THBS4: variants seen among roughly 807,000 people sequenced by gnomAD.
THBS4 encodes thrombospondin 4.
In THBS4, 90 loss-of-function variants were observed where a neutral mutation model predicts 115.7. The observed-to-expected ratio is 0.78, with a 90% CI of 0.66 to 0.93. The LOEUF (loss-of-function observed/expected upper bound fraction) is 0.93, where lower values mean the gene tolerates loss of function less well. THBS4 is among the 40% of genes least tolerant of loss of function. The pLI is 0.00. For synonymous variants in THBS4, 460 were observed against 479.3 expected (o/e 0.96, Z 0.53); for missense variants, 1,087 against 1,232.7 (o/e 0.88, Z 1.77).
At chr5:80,066,959 G>A (rs1833850182) in intron 9 of THBS4, 1 of 152,234 alleles carries the variant, frequency 6.6e-6, no homozygotes, top group African/African-American at 2.4e-5. Flanking sequence ...TGGAAAGCAT[G>A]CATTGGATTT....
Position 80,078,089 on chromosome 5 carries a change from G to T in THBS4, c.2127G>T (p.Gln709His). Residue 709 changes from glutamine (Q) to histidine (H), a missense_variant, in exon 17 of 22, where the codon CAG becomes CAT. By Grantham distance (24) the Gln-to-His change is conservative. Coordinates refer to ENST00000350881, the MANE Select transcript of THBS4 (RefSeq NM_003248.6). ...VGDICESDFDQDQVIDRIDVC... is the reference protein window; with the variant it reads ...VGDICESDFDHDQVIDRIDVC... ...ACATCTGTGAGTCTGACTTTGACCA[G>T]GACCAGGTCATCGATCGGATCGACG... 1 of 1,608,076 alleles carries T rather than the reference G, an allele frequency of 6.2e-7. No homozygotes were observed. The highest frequency in any genetic ancestry group is 8.5e-7 in the Non-Finnish European group (1 of 1,176,082).
chr5:80,042,151 C>T (rs2112037896), intron 2 of THBS4, among the ~76,000 whole-genome samples: 1 of 152,304 alleles, frequency 6.6e-6, no homozygotes, highest in African/African-American at 2.4e-5. Context: ...ACATGGCCAG[C>T]AGATGGGTCA....
At chr5:80,051,336 A>T (rs200222291) in intron 2 of THBS4, among the ~76,000 whole-genome samples, 2 of 31,996 alleles carry the variant, frequency 6.3e-5, no homozygotes, top group Admixed American at 5.8e-4. Flanking sequence ...CTGATAATAA[A>T]ATAAGTGTAG....
chr5:80,071,306 G>A, intron 13 of THBS4, 126 bp downstream of exon 13: 1 of 1,451,040 alleles, frequency 6.9e-7, no homozygotes, highest in Non-Finnish European at 9.0e-7. Flanking sequence ...ATTGTGGCCT[G>A]CATCTGGAAG....
intron 1 of THBS4, chr5:79,991,531 C>T (rs1034876279): frequency 3.3e-6 from 1 of 305,712 alleles, no homozygotes; most frequent in Admixed American, 5.0e-5. Flanking sequence ...CCTAAATTAA[C>T]CTGTTTGTAA....
At chr5:80,066,779 T>G (rs1254530941) in intron 9 of THBS4, 3 of 152,190 alleles carry the variant, frequency 2.0e-5, no homozygotes. Flanking sequence ...TTGCGAGATC[T>G]TGGTGTAAAG....
At chr5:79,994,306 AC>A (rs1831745644) in intron 1 of THBS4, among the ~76,000 whole-genome samples, 1 of 152,126 alleles carries the variant, frequency 6.6e-6, no homozygotes, top group African/African-American at 2.4e-5. Flanking sequence ...CAAGATTTGA[AC>A]CCAGGCAGTT....
intron 20 of THBS4, 53 bp downstream of exon 20, chr5:80,080,130 T>A (rs1440404574): frequency 2.6e-6 from 4 of 1,558,932 alleles, no homozygotes; most frequent in African/African-American, 2.7e-5. Context: ...GCATTCTCCG[T>A]TCTGCATCCC....
Position 80,026,228 on chromosome 5 carries a change from CT to C in THBS4, n.178-13847del, listed in dbSNP as rs905691718. On this transcript the variant is annotated intron_variant and non_coding_transcript_variant, in intron 2 of 3. Transcript: ENST00000510218. ...AATACCACTGGAAAGAAACACTATA[CT>C]TAGAAGGAGATGAACAACAGATTTA... Among the ~76,000 whole-genome samples, 40 of 152,164 alleles carry C rather than the reference CT, an allele frequency of 2.6e-4. 1 individual carries two copies. Among genetic ancestry groups the C allele is most frequent in the Non-Finnish European group, 4.4e-5 (3 of 68,040 alleles).
At chr5:80,001,708 G>GTATA (rs1301444071) in intron 2 of THBS4, among the ~76,000 whole-genome samples, 1 of 152,122 alleles carries the variant, frequency 6.6e-6, no homozygotes, top group Admixed American at 6.5e-5. Context: ...TGAGAACTAC[G>GTATA]TATAATTCAA....
chr5:80,013,784 A>G (rs1316496940), intron 2 of THBS4, among the ~76,000 whole-genome samples: 1 of 152,198 alleles, frequency 6.6e-6, no homozygotes, highest in East Asian at 1.9e-4. Flanking sequence ...AGATATAATA[A>G]TACTTTCACA....
chr5:80,073,485 G>A (rs1207242249), intron 15 of THBS4, among the ~76,000 whole-genome samples, 158 bp downstream of exon 15: 1 of 151,746 alleles, frequency 6.6e-6, no homozygotes, highest in Non-Finnish European at 1.5e-5. Flanking sequence ...CCAGGTTTAT[G>A]CCATTCTTCT....
chr5:80,025,485 A>G (rs777865989), intron 2 of THBS4, among the ~76,000 whole-genome samples: 8 of 152,188 alleles, frequency 5.3e-5, no homozygotes, highest in Non-Finnish European at 1.0e-4. Context: ...CCCAAAGCCC[A>G]TGACCCCACA....
chr5:80,019,098 A>C (rs1176284484), intron 2 of THBS4, among the ~76,000 whole-genome samples: 6 of 150,672 alleles, frequency 4.0e-5, no homozygotes, highest in African/African-American at 1.5e-4. Context: ...TCACTGGCTC[A>C]ACTATAGTAG....
chr5:80,035,963 G>A lies in THBS4; in HGVS notation c.88+338G>A. ...GGCTCTGGTGTAGGGTGAATTCCGG[G>A]TCCTGCACCCTGTGCCGGTTCCCTC... On this transcript the variant is annotated intron_variant, in intron 1 of 21. Transcript: ENST00000350881. The surrounding 1 kb of genome is among the most constrained non-coding windows in gnomAD (Gnocchi z 4.6). The A allele has an allele frequency of 2.9e-6, 3 of 1,041,374 alleles. No homozygotes were observed. The highest frequency in any genetic ancestry group is 3.5e-6 in the Non-Finnish European group (3 of 866,148). The allele number at this position is 1,041,374 out of a possible 1,614,324, so 64.5% of individuals were successfully genotyped here.
intron 2 of THBS4, among the ~76,000 whole-genome samples, chr5:80,002,695 A>G (rs1334038065): frequency 6.7e-6 from 1 of 150,344 alleles, no homozygotes. Context: ...GAGTCCTGTA[A>G]TTGGAGATAG....
chr5:80,020,727 G>A (rs1832354574), intron 2 of THBS4, among the ~76,000 whole-genome samples: 1 of 152,142 alleles, frequency 6.6e-6, no homozygotes, highest in Non-Finnish European at 1.5e-5. Context: ...GGTTGCATAG[G>A]CTGGCTACTG....
intron 2 of THBS4, among the ~76,000 whole-genome samples, chr5:80,012,974 C>T (rs1259378331): frequency 6.6e-6 from 1 of 152,218 alleles, no homozygotes; most frequent in Non-Finnish European, 1.5e-5. Flanking sequence ...CTCCTCTCCC[C>T]TGTGCCCTCA....
At chr5:80,080,282 G>C (rs1426471100) in intron 20 of THBS4, 1 of 590,354 alleles carries the variant, frequency 1.7e-6, no homozygotes, top group Non-Finnish European at 2.9e-6. Context: ...CAGGACAGTA[G>C]GACCAAGATG....
Sources: gnomAD v4.1 joint callset for allele counts (sites outside exome capture counted in the v4.1 genomes callset) on GRCh38, gnomAD v4.1.1 for gene constraint, Gnocchi (gnomAD v3.1) non-coding constraint, MANE v1.5 for transcripts, NCBI Gene and HGNC (gene_info 2026-07-23, HGNC 2026-07-21) for gene names.